Variants in FANCA observed in about 807,000 individuals in gnomAD.
FANCA encodes Fanconi anemia group A protein.
Under a neutral mutation model 194.3 loss-of-function variants are expected in FANCA, and 236 were observed. That is an observed-to-expected ratio of 1.21 (90% CI 1.09 to 1.35). The LOEUF (loss-of-function observed/expected upper bound fraction) is 1.35. FANCA is among the 40% of genes most tolerant of loss of function. FANCA has a pLI of 0.00. For missense variants in FANCA, 2,628 were observed against 1,813.9 expected (o/e 1.45, Z -8.15); for synonymous variants, 1,014 against 715.8 (o/e 1.42, Z -6.65).
rs775506986 is a variant in FANCA, at chr16:89,795,966, G to C, written c.946C>G (p.Leu316Val). ...AGGGTATGACTGAAGAACCTCTTCA[G>C]AGGATCTGTGGAAATTACACTGCCA... ...TLGSVISTDPLKRFFSHTLTQ... is the reference protein window; with the variant it reads ...TLGSVISTDPVKRFFSHTLTQ... The change falls in exon 11 of 43, where the codon CTG becomes GTG. Residue 316 changes from leucine (L) to valine (V), a missense_variant. Leu to Val is a conservative substitution (Grantham distance 32). Coordinates refer to ENST00000389301, the MANE Select transcript of FANCA (RefSeq NM_000135.4). The C allele has an allele frequency of 1.2e-6, 2 of 1,614,086 alleles. No individual in the cohort carries two copies. The highest frequency in any genetic ancestry group is 1.7e-6 in the Non-Finnish European group (2 of 1,180,052).
rs140823801 is a variant in FANCA at position 89,758,581 on chromosome 16, G to A, written c.2977C>T (p.Gln993Ter). The A allele has an allele frequency of 6.2e-7, 1 of 1,613,408 alleles. No homozygotes were observed. Among genetic ancestry groups the A allele is most frequent in the Non-Finnish European group, 8.5e-7 (1 of 1,179,618 alleles). ...ILVNALMDFH[Q>*]SSRSYDHSEN... The stretch of plus-strand genomic sequence containing the variant: ...AATACAGTGTGTGCTGCTAACCTTT[G>A]GTGGAAATCCATCAGTGCGTTGACA... The change falls in exon 30 of 43, where the codon CAA becomes TAA. Residue 993 changes from glutamine (Q) to a stop codon, truncating the protein, a stop_gained. Transcript: ENST00000389301. LOFTEE classifies it high-confidence loss of function.
intron 35 of FANCA, among the ~76,000 whole-genome samples, chr16:89,745,978 C>G (rs947792920): frequency 9.2e-5 from 14 of 152,184 alleles, no homozygotes; most frequent in African/African-American, 3.1e-4. Flanking sequence ...GGGGAACATG[C>G]CGTGCTGCGG....
intron 2 of FANCA, among the ~76,000 whole-genome samples, chr16:89,815,472 C>T (rs1260339513): frequency 6.6e-6 from 1 of 151,068 alleles, no homozygotes; most frequent in Non-Finnish European, 1.5e-5. Context: ...TCTCCTGCCT[C>T]AGGCTCCCGA....
rs2039229195 is a variant in FANCA at position 89,769,046 on chromosome 16, C to T, written c.2504+791G>A. ...CCATGTCTGAGGTGTGGGATCCGCA[C>T]AGCTGCCATCTGACTCCCTCTCCTT... On this transcript the variant is annotated intron_variant, in intron 26 of 42. Coordinates refer to ENST00000389301, the MANE Select transcript of FANCA (RefSeq NM_000135.4). Among the ~76,000 whole-genome samples the T allele has an allele frequency of 3.3e-5, 5 of 152,340 alleles. No individual in the cohort carries two copies. In the South Asian group the frequency reaches 1.0e-3, roughly 32 times the overall value.
At chr16:89,779,530 C>T (rs944250418) in intron 18 of FANCA, among the ~76,000 whole-genome samples, 1 of 152,164 alleles carries the variant, frequency 6.6e-6, no homozygotes, top group Non-Finnish European at 1.5e-5. Context: ...TTCCTGTTGG[C>T]TGCTTCAGCA....
intron 20 of FANCA, among the ~76,000 whole-genome samples, chr16:89,777,230 A>G (rs1367769758): frequency 6.6e-6 from 1 of 151,910 alleles, no homozygotes; most frequent in Non-Finnish European, 1.5e-5. Context: ...CAGGAGATCA[A>G]GGCTGGCTGG....
intron 33 of FANCA, among the ~76,000 whole-genome samples, 153 bp from the exon 34 acceptor site, chr16:89,747,043 G>A (rs754238295): frequency 2.6e-5 from 4 of 152,224 alleles, no homozygotes; most frequent in Admixed American, 6.5e-5. Context: ...GACCGGGCCT[G>A]GCGCCCTGGC....
At chr16:89,780,482 G>C (rs1268347972) in intron 17 of FANCA, among the ~76,000 whole-genome samples, 1 of 152,018 alleles carries the variant, frequency 6.6e-6, no homozygotes, top group African/African-American at 2.4e-5. Context: ...ACATTAGCCA[G>C]GTGTAGAGGC....
intron 14 of FANCA, among the ~76,000 whole-genome samples, chr16:89,785,708 C>T (rs1403971446): frequency 6.6e-6 from 1 of 152,164 alleles, no homozygotes; most frequent in African/African-American, 2.4e-5. Flanking sequence ...ACCTGCAAAA[C>T]CAGACGAGCT....
At chr16:89,744,673 T>G in intron 36 of FANCA, 1 of 435,150 alleles carries the variant, frequency 2.3e-6, no homozygotes, top group South Asian at 2.2e-5. Context: ...CTGTTTTTTT[T>G]TTTGTTTTTT....
At chr16:89,799,560 CA>C in intron 9 of FANCA, 44 bp downstream of exon 9, 2 of 1,579,860 alleles carry the variant, frequency 1.3e-6, no homozygotes, top group South Asian at 1.1e-5. Context: ...TGCTAATAAG[CA>C]AACTAAGTCA....
At chr16:89,739,886 A>G (rs755882784) in intron 39 of FANCA, 108 bp downstream of exon 39, 1 of 1,564,324 alleles carries the variant, frequency 6.4e-7, no homozygotes, top group Admixed American at 1.9e-5. Flanking sequence ...TGGAGCTTAT[A>G]AACTTACTTA....
In FANCA at chr16:89,803,292, C is replaced by T. The variant is rs1386478668; in HGVS notation, c.759G>A (p.Leu253=). ...TTTTTTCAGGCTCCACAGTTCTTCT[C>T]AGATCTGAGTTTTTCTGAAATCCCC... The part of the protein sequence containing the change: ...VLRGFQKNSD[L]RRTVEPEKMP... The change falls in exon 8 of 43, where the codon CTG becomes CTA. Residue 253 remains leucine (L), a synonymous_variant. Coordinates refer to ENST00000389301, the MANE Select transcript of FANCA (RefSeq NM_000135.4). 6.2e-7 allele frequency: 1 copy of T among 1,614,166 alleles called. No individual in the cohort carries two copies. Among genetic ancestry groups the T allele is most frequent in the Non-Finnish European group, 8.5e-7 (1 of 1,180,016 alleles).
chr16:89,791,769 G>A (rs1048192036), intron 13 of FANCA, 158 bp downstream of exon 13: 36 of 1,039,854 alleles, frequency 3.5e-5, no homozygotes, highest in East Asian at 3.3e-4. Flanking sequence ...TTATGGAAGC[G>A]TCTGACAAAG....
intron 16 of FANCA, 28 bp downstream of exon 16, chr16:89,782,979 G>A (rs1438158772): frequency 6.2e-7 from 1 of 1,612,006 alleles, no homozygotes; most frequent in Non-Finnish European, 8.5e-7. Flanking sequence ...GGACAGGTGT[G>A]AGGAGTGGGC....
At chr16:89,772,257 C>A (rs2039351711) in intron 22 of FANCA, among the ~76,000 whole-genome samples, 1 of 152,252 alleles carries the variant, frequency 6.6e-6, no homozygotes, top group Admixed American at 6.5e-5. Context: ...ATGTATCAAC[C>A]TCTTGCTTAA....
chr16:89,766,232 T>C (rs1007076585), intron 27 of FANCA, among the ~76,000 whole-genome samples: 2 of 151,580 alleles, frequency 1.3e-5, no homozygotes, highest in Non-Finnish European at 2.9e-5. Flanking sequence ...CTTGACCTCA[T>C]GATCTGCCCG....
chr16:89,816,512 C>G, intron 1 of FANCA, 25 bp downstream of exon 1: 1 of 1,480,756 alleles, frequency 6.8e-7, no homozygotes, highest in Non-Finnish European at 8.9e-7. Flanking sequence ...GCCGCCCACT[C>G]CCGCGGCCTG....
intron 11 of FANCA, among the ~76,000 whole-genome samples, chr16:89,792,884 A>C (rs6500454): frequency 0.68 from 103,499 of 151,984 alleles, 36,394 homozygotes; most frequent in East Asian, 0.99. Context: ...CCCTGCCTGG[A>C]AGCCGAGGCA....
Sources: allele counts gnomAD v4.1 joint callset (sites outside exome capture counted in the v4.1 genomes callset), GRCh38; gene constraint gnomAD v4.1.1; transcripts MANE v1.5; gene names NCBI Gene and HGNC (gene_info 2026-07-23, HGNC 2026-07-21).